The following AHDC1 variants were observed in gnomAD, a reference collection of about 807,000 sequenced individuals.
AHDC1 encodes transcription factor Gibbin.
AHDC1 carries 7 observed loss-of-function variants against 87.9 expected under a neutral mutation model. The ratio of observed to expected loss-of-function variants is 0.08; its 90% CI spans 0.05 to 0.15. The LOEUF (loss-of-function observed/expected upper bound fraction) is 0.15. Among genes scored for constraint, AHDC1 ranks in the 10% least tolerant of loss-of-function variants. AHDC1 has a pLI of 1.00. For missense variants in AHDC1, 1,841 were observed against 2,253.2 expected, an observed-to-expected ratio of 0.82 and a Z score of 3.70; for synonymous variants, 1,051 against 1,006.8, an observed-to-expected ratio of 1.04 and a Z score of -0.83.
chr1:27,579,105 T>A (rs2088838469), intron 3 of AHDC1, among the ~76,000 whole-genome samples: 1 of 151,016 alleles, frequency 6.6e-6, no homozygotes, highest in African/African-American at 2.4e-5. Flanking sequence ...AGTGCAGCGG[T>A]ATAATCACAG....
chr1:27,545,356 G>A (rs796271333), intron 8 of AHDC1, among the ~76,000 whole-genome samples: 21 of 152,140 alleles, frequency 1.4e-4, no homozygotes, highest in East Asian at 1.2e-3. Flanking sequence ...TGAGGACAGC[G>A]CAGTTAACTC....
At position 27,563,385 on chromosome 1, in the gene AHDC1, C is replaced by T. The variant is rs1451097776; in HGVS notation, c.-628-4502G>A. 6.6e-6 allele frequency among the ~76,000 whole-genome samples: 1 copy of T among 152,060 alleles called. No individual in the cohort carries two copies. The highest frequency in any genetic ancestry group is 1.5e-5 in the Non-Finnish European group (1 of 68,036). ...CACACACACGTGGGACAAGTCCCATCTTCCAGGTGTGAGGAAGGCATGGAC... is the reference window on the plus strand; with the variant it reads ...CACACACACGTGGGACAAGTCCCATTTTCCAGGTGTGAGGAAGGCATGGAC... On this transcript the variant is annotated intron_variant, in intron 3 of 8. Transcript: ENST00000673934. This position sits in a 1 kb window ranked among gnomAD's most constrained non-coding sequence, Gnocchi z 6.1.
In AHDC1 at chr1:27,563,779, G is replaced by A. The variant is rs1009132367; in HGVS notation, c.-628-4896C>T. Among the ~76,000 whole-genome samples, 11 of 152,190 alleles carry A rather than the reference G, an allele frequency of 7.2e-5. No homozygotes were observed. The highest frequency in any genetic ancestry group is 2.0e-4 in the Admixed American group (3 of 15,290). ...TGCTGTGGCTTCCCGCCCAGTGGCGGGTGCTGGGGGAGAGGAGTGCTGGGG... is the reference window on the plus strand; with the variant it reads ...TGCTGTGGCTTCCCGCCCAGTGGCGAGTGCTGGGGGAGAGGAGTGCTGGGG... On this transcript the variant is annotated intron_variant, in intron 3 of 8. Transcript: ENST00000673934. The surrounding 1 kb of genome is among the most constrained non-coding windows in gnomAD (Gnocchi z 6.1).
chr1:27,589,520 G>A (rs1041975662), intron 3 of AHDC1, among the ~76,000 whole-genome samples: 3 of 152,162 alleles, frequency 2.0e-5, no homozygotes, highest in Non-Finnish European at 4.4e-5. Context: ...TTGCATTTGT[G>A]GGTCCATGCG....
chr1:27,581,935 G>A (rs1050793061), intron 3 of AHDC1, among the ~76,000 whole-genome samples: 5 of 152,182 alleles, frequency 3.3e-5, no homozygotes, highest in Middle Eastern at 3.4e-3. Flanking sequence ...CACTCACTCC[G>A]TTCTGGACAG....
At chr1:27,555,685 C>A (rs1010558855) in intron 5 of AHDC1, among the ~76,000 whole-genome samples, 3 of 152,226 alleles carry the variant, frequency 2.0e-5, no homozygotes, top group Admixed American at 2.0e-4. Flanking sequence ...GCTCCTGGCA[C>A]CCACTTGGAG....
chr1:27,601,033 C>A (rs1012639966), intron 3 of AHDC1, among the ~76,000 whole-genome samples: 4 of 152,212 alleles, frequency 2.6e-5, no homozygotes, highest in African/African-American at 9.6e-5. Flanking sequence ...TCCAGACCCC[C>A]CAGCCCAGCA....
At chr1:27,579,673 A>G (rs957101114) in intron 3 of AHDC1, among the ~76,000 whole-genome samples, 1 of 152,216 alleles carries the variant, frequency 6.6e-6, no homozygotes. Context: ...ACTATGGTCC[A>G]TGGCCTGTTG....
chr1:27,547,444 G>A lies in AHDC1; in HGVS notation c.4672C>T (p.Pro1558Ser). 21 of 1,589,248 alleles carry A rather than the reference G, an allele frequency of 1.3e-5. No homozygotes were observed. Among genetic ancestry groups the A allele is most frequent in the Non-Finnish European group, 1.8e-5 (21 of 1,162,730 alleles). The change falls in exon 8 of 9, where the codon CCC (proline) becomes TCC (serine). Residue 1558 changes from proline to serine, a missense_variant. Pro to Ser is a moderately conservative substitution (Grantham distance 74). Around this residue, in one of 13 missense-constraint regions of AHDC1, gnomAD observed 505 missense variants for 626.2 expected, o/e 0.81. Transcript: ENST00000673934. The surrounding 1 kb of genome is among the most constrained non-coding windows in gnomAD (Gnocchi z 4.9). ...TACCTGTAGGCGGTGTCCTGCAGGG[G>A]CAGCAGCGAGTCCCTCGGCACGGGG... ...LSPVPRDSLL[P>S]LQDTAYRYPG...
Position 27,595,878 on chromosome 1 carries a change from G to A in AHDC1, c.-629+7519C>T, listed in dbSNP as rs1004577946. Among the ~76,000 whole-genome samples, 2 of 151,644 alleles carry A rather than the reference G, an allele frequency of 1.3e-5. No individual in the cohort carries two copies. Among genetic ancestry groups the A allele is most frequent in the Non-Finnish European group, 2.9e-5 (2 of 67,926 alleles). ...TGTGCATGTGAGGTAGCTGGATGTC[G>A]GGGGGTATCTGTATGTAGAGTGTGT... On this transcript the variant is annotated intron_variant, in intron 3 of 8. Transcript: ENST00000673934. This position sits in a 1 kb window ranked among gnomAD's most constrained non-coding sequence, Gnocchi z 4.0.
intron 8 of AHDC1, among the ~76,000 whole-genome samples, chr1:27,542,611 G>A (rs2018979338): frequency 6.6e-6 from 1 of 152,224 alleles, no homozygotes; most frequent in South Asian, 2.1e-4. Context: ...CACAAGAGAT[G>A]CAGAGAGGTG....
At chr1:27,537,137 C>A (rs2018676947) in intron 8 of AHDC1, among the ~76,000 whole-genome samples, 1 of 152,140 alleles carries the variant, frequency 6.6e-6, no homozygotes, top group Admixed American at 6.5e-5. Flanking sequence ...AGCCCAAAAG[C>A]CCCAGGGTTC....
At chr1:27,571,609 GA>G (rs1483199113) in intron 3 of AHDC1, among the ~76,000 whole-genome samples, 7 of 152,054 alleles carry the variant, frequency 4.6e-5, no homozygotes, top group Admixed American at 3.9e-4. Flanking sequence ...ACCAGCCAAG[GA>G]GGGGGGGGTG....
At chr1:27,540,915 C>G (rs939433611) in intron 8 of AHDC1, among the ~76,000 whole-genome samples, 5 of 144,372 alleles carry the variant, frequency 3.5e-5, no homozygotes, top group African/African-American at 1.3e-4. Flanking sequence ...AGGTGTAGAG[C>G]AATGGAGTCA....
At position 27,551,845 on chromosome 1, in the gene AHDC1, G is replaced by C; in HGVS notation, c.271C>G (p.Pro91Ala). 6.2e-7 allele frequency: 1 copy of C among 1,610,752 alleles called. No homozygotes were observed. The highest frequency in any genetic ancestry group is 1.7e-5 in the Admixed American group (1 of 59,938). ...GTGGGGCAGCGGGCCTGTGAGACAG[G>C]ACGGGCTGCCCGTGGGGGCAGCGGG... is the stretch of plus-strand genomic sequence containing the variant. ...DDPLPPRAAR[P>A]VSQARCPTPV... Residue 91 changes from proline to alanine, a missense_variant, in exon 8 of 9, where the codon CCT becomes GCT. Physicochemically the swap from Pro to Ala is conservative, Grantham distance 27 (BLOSUM62 -1). Around this residue, in one of 13 missense-constraint regions of AHDC1, gnomAD observed 142 missense variants for 165.6 expected, o/e 0.86. Transcript: ENST00000673934.
chr1:27,547,786 G>A lies in AHDC1; in HGVS notation c.4330C>T (p.Leu1444=). 2.5e-6 allele frequency: 4 copies of A among 1,576,798 alleles called. No individual in the cohort carries two copies. The highest frequency in any genetic ancestry group is 3.4e-6 in the Non-Finnish European group (4 of 1,159,836). The change falls in exon 8 of 9, where the codon CTG becomes TTG. Residue 1444 remains leucine, a synonymous_variant. Transcript: ENST00000673934. The surrounding 1 kb of genome is among the most constrained non-coding windows in gnomAD (Gnocchi z 4.9). ...CCCAGCGGCAGGTCCCGGCAGCTCA[G>A]GTGGGCCTGGGCTGCAGCTGCGTGG... The part of the protein sequence containing the change: ...LGHAAAAQAH[L]SCRDLPLGQP...
intron 3 of AHDC1, among the ~76,000 whole-genome samples, chr1:27,574,137 G>A (rs2088630173): frequency 6.6e-6 from 1 of 152,224 alleles, no homozygotes; most frequent in African/African-American, 2.4e-5. Flanking sequence ...GAGGAAAGCA[G>A]AATTCCACCA....
chr1:27,555,825 G>A (rs933795219), intron 5 of AHDC1, among the ~76,000 whole-genome samples: 5 of 151,310 alleles, frequency 3.3e-5, no homozygotes, highest in Admixed American at 6.6e-5. Context: ...CCTCCTCTCC[G>A]GTGGTGGCTT....
In AHDC1 at chr1:27,551,014, A is replaced by C. The variant is rs1278336665; in HGVS notation, c.1102T>G (p.Cys368Gly). Residue 368 changes from cysteine (C) to glycine (G), a missense_variant, in exon 8 of 9, where the codon TGC (cysteine) becomes GGC (glycine). Cys to Gly is a radical substitution (Grantham distance 159, BLOSUM62 -3). Around this residue, in one of 13 missense-constraint regions of AHDC1, gnomAD observed 370 missense variants for 391.5 expected, o/e 0.95. Coordinates refer to ENST00000673934, the MANE Select transcript of AHDC1 (RefSeq NM_001371928.1). ...GGCCCGGGGGGGCCGTGCGGTGAGC[A>C]CAAGTCCAGGCGCAAGGGCTCGGCC... The part of the protein sequence containing the change: ...PLAEPLRLDL[C>G]SPHGPPGPEG... 1.9e-6 allele frequency: 3 copies of C among 1,567,490 alleles called. No homozygotes were observed. The highest frequency in any genetic ancestry group is 1.7e-6 in the Non-Finnish European group (2 of 1,162,312).
Sources: allele counts gnomAD v4.1 joint callset (sites outside exome capture counted in the v4.1 genomes callset), GRCh38; gene constraint gnomAD v4.1.1; regional missense constraint gnomAD v4.1.1; non-coding constraint Gnocchi (gnomAD v3.1); transcripts MANE v1.5; gene names NCBI Gene and HGNC (gene_info 2026-07-23, HGNC 2026-07-21).